ADAMTS12: variants seen among roughly 807,000 people sequenced by gnomAD.
ADAMTS12 encodes ADAM metallopeptidase with thrombospondin type 1 motif 12, also known as A disintegrin and metalloproteinase with thrombospondin motifs 12.
In ADAMTS12, 118 loss-of-function variants were observed where a neutral mutation model predicts 167.8. The ratio of observed to expected loss-of-function variants is 0.70; its 90% CI spans 0.61 to 0.82. The LOEUF (loss-of-function observed/expected upper bound fraction) is 0.82, where lower values mean the gene tolerates loss of function less well. Ranked by LOEUF, ADAMTS12 falls within the 40% of genes least tolerant of loss-of-function variation. The pLI, the probability that ADAMTS12 is intolerant of heterozygous loss-of-function variation, is 0.00. For missense variants in ADAMTS12, 1,916 were observed against 1,998.8 expected, an observed-to-expected ratio of 0.96 and a Z score of 0.79; for synonymous variants, 704 against 716.9, an observed-to-expected ratio of 0.98 and a Z score of 0.29.
At chr5:33,643,496 G>C in intron 9 of ADAMTS12, 26 bp from the exon 10 acceptor site, 2 of 1,607,702 alleles carry the variant, frequency 1.2e-6, no homozygotes, top group Non-Finnish European at 1.7e-6. Flanking sequence ...CACTTCTTTT[G>C]TATTTTCAAA....
chr5:33,696,284 G>GGC (rs1742762948), intron 3 of ADAMTS12, among the ~76,000 whole-genome samples: 1 of 150,580 alleles, frequency 6.6e-6, no homozygotes, highest in Non-Finnish European at 1.5e-5. Context: ...AGCCGGGCAC[G>GGC]GTGGCGGGCG....
intron 2 of ADAMTS12, among the ~76,000 whole-genome samples, chr5:33,805,841 T>C (rs1247268143): frequency 3.3e-5 from 5 of 151,902 alleles, no homozygotes; most frequent in Non-Finnish European, 4.4e-5. Flanking sequence ...TGAGCTGTGA[T>C]TGTGCCATTG....
At chr5:33,626,950 ATGG>A (rs1196379771) in intron 13 of ADAMTS12, among the ~76,000 whole-genome samples, 1 of 139,788 alleles carries the variant, frequency 7.2e-6, no homozygotes, top group Non-Finnish European at 1.5e-5. Flanking sequence ...TGATTTGCTG[ATGG>A]TGGTGGTGGT....
Position 33,629,436 on chromosome 5 carries a change from G to A in ADAMTS12, c.2022+1344C>T, listed in dbSNP as rs570309398. ...TTTCTAAGAGTTCATTTTACACCAG[G>A]GCCTCTGTTAAGAGCTTAACATATA... On this transcript the variant is annotated intron_variant, in intron 13 of 23. Transcript: ENST00000504830. 2.9e-4 allele frequency among the ~76,000 whole-genome samples: 44 copies of A among 152,142 alleles called. 1 individual carries two copies. In the East Asian group the frequency reaches 3.3e-3, roughly 11 times the overall value.
At chr5:33,800,246 G>A (rs190592392) in intron 2 of ADAMTS12, among the ~76,000 whole-genome samples, 24 of 152,296 alleles carry the variant, frequency 1.6e-4, no homozygotes, top group Non-Finnish European at 2.9e-4. Flanking sequence ...TACCAGTGTC[G>A]CAGGATTGCA....
chr5:33,578,366 G>A (rs771396215), intron 18 of ADAMTS12, among the ~76,000 whole-genome samples: 15 of 152,264 alleles, frequency 9.9e-5, no homozygotes, highest in African/African-American at 2.6e-4. Flanking sequence ...CTTGAAAGGC[G>A]GCAAGTCAGT....
intron 3 of ADAMTS12, among the ~76,000 whole-genome samples, chr5:33,746,060 G>A (rs1295859568): frequency 6.6e-6 from 1 of 152,056 alleles, no homozygotes; most frequent in African/African-American, 2.4e-5. Context: ...AACAAATATA[G>A]AGCAATAATT....
intron 3 of ADAMTS12, among the ~76,000 whole-genome samples, chr5:33,684,558 C>A (rs1197949866): frequency 6.6e-6 from 1 of 152,138 alleles, no homozygotes; most frequent in African/African-American, 2.4e-5. Context: ...CTTTCTATGC[C>A]CCAAAATCAT....
chr5:33,561,154 GC>G lies in ADAMTS12; in HGVS notation c.3997del (p.Ala1333ProfsTer68), dbSNP rs1561126704. The G allele has an allele frequency of 6.2e-7, 1 of 1,614,014 alleles. No individual in the cohort carries two copies. The highest frequency in any genetic ancestry group is 8.5e-7 in the Non-Finnish European group (1 of 1,179,982). On this transcript the variant is annotated frameshift_variant, in exon 20 of 24. Coordinates refer to ENST00000504830, the MANE Select transcript of ADAMTS12 (RefSeq NM_030955.4). LOFTEE classifies it high-confidence loss of function. Reference protein sequence around the residue: ...SECSTTCGLGAYWRRVECSTQ... With the variant: ...SECSTTCGLGXYWRRVECSTQ... ...GCTGCACTCCACCCTTCTCCAGTAG[GC>G]CCCCAGGCCACATGTGGTGGAGCAC... is the stretch of plus-strand genomic sequence containing the variant.
At chr5:33,713,832 T>C (rs568105446) in intron 3 of ADAMTS12, among the ~76,000 whole-genome samples, 2 of 152,280 alleles carry the variant, frequency 1.3e-5, no homozygotes, top group Admixed American at 6.6e-5. Context: ...AAGAATCTAC[T>C]GTCAATAGAA....
rs1036903749 is a variant in ADAMTS12, at chr5:33,628,458, C to T, written c.2022+2322G>A. 2.0e-5 allele frequency among the ~76,000 whole-genome samples: 3 copies of T among 152,092 alleles called. No homozygotes were observed. In the South Asian group the frequency reaches 6.2e-4, roughly 32 times the overall value. On this transcript the variant is annotated intron_variant, in intron 13 of 23. Transcript: ENST00000504830. ...GGGAAGGGCACAGATAGTTACCTCC[C>T]AGAACAAATTCAGTTCTGATCAGGG...
intron 22 of ADAMTS12, among the ~76,000 whole-genome samples, chr5:33,543,241 G>A (rs1293807160): frequency 1.3e-5 from 2 of 152,144 alleles, no homozygotes. Context: ...ACACCTCTAT[G>A]AAAATAAACT....
chr5:33,672,769 T>G lies in ADAMTS12; in HGVS notation c.915+10249A>C, dbSNP rs569301928. ...TCCTTGTGGAGAAAGCAGAGTCATC[T>G]TCCAGATGTTGCATTCCAAATGCTG... is the stretch of plus-strand genomic sequence containing the variant. On this transcript the variant is annotated intron_variant, in intron 5 of 23. Coordinates refer to ENST00000504830, the MANE Select transcript of ADAMTS12 (RefSeq NM_030955.4). Among the ~76,000 whole-genome samples, 3 of 152,330 alleles carry G rather than the reference T, an allele frequency of 2.0e-5. No homozygotes were observed. In the South Asian group the frequency reaches 6.2e-4, roughly 32 times the overall value.
At chr5:33,572,226 G>C (rs1450222200) in intron 19 of ADAMTS12, among the ~76,000 whole-genome samples, 3 of 152,060 alleles carry the variant, frequency 2.0e-5, no homozygotes, top group Non-Finnish European at 4.4e-5. Flanking sequence ...GCAAAAGAGG[G>C]AATCCTCCCT....
At chr5:33,628,380 G>A (rs1739758935) in intron 13 of ADAMTS12, among the ~76,000 whole-genome samples, 1 of 152,054 alleles carries the variant, frequency 6.6e-6, no homozygotes. Context: ...GTCCTGAAAA[G>A]TCAAAGTTTA....
intron 19 of ADAMTS12, among the ~76,000 whole-genome samples, chr5:33,565,841 C>A (rs1392232447): frequency 2.6e-5 from 4 of 152,080 alleles, no homozygotes; most frequent in African/African-American, 9.7e-5. Context: ...ATAGTTGATG[C>A]GTACTTCATT....
chr5:33,730,456 C>A (rs1475086556), intron 3 of ADAMTS12, among the ~76,000 whole-genome samples: 2 of 151,860 alleles, frequency 1.3e-5, no homozygotes, highest in African/African-American at 2.4e-5. Context: ...GTCTTCTCCT[C>A]TTGTATGTGT....
At position 33,891,780 on chromosome 5, in the gene ADAMTS12, T is replaced by C. The variant is rs1409276980; in HGVS notation, c.77A>G (p.Tyr26Cys). The change falls in exon 1 of 24, where the codon TAT becomes TGT. Residue 26 changes from tyrosine (Y) to cysteine (C), a missense_variant. Coordinates refer to ENST00000504830, the MANE Select transcript of ADAMTS12 (RefSeq NM_030955.4). ...AQLLNFGALC[Y>C]GRQPQPGPVR... is the part of the protein sequence containing the mutation. ...CGGGCCTGGCTGAGGCTGTCTCCCA[T>C]AGCAAAGCGCCCCAAAGTTAAGGAG... 9.9e-6 allele frequency: 16 copies of C among 1,614,060 alleles called. No homozygotes were observed. The highest frequency in any genetic ancestry group is 5.0e-5 in the Admixed American group (3 of 60,002).
intron 2 of ADAMTS12, among the ~76,000 whole-genome samples, chr5:33,807,819 A>G (rs1196004903): frequency 1.3e-5 from 2 of 152,224 alleles, no homozygotes; most frequent in Admixed American, 1.3e-4. Flanking sequence ...TGGTTATTCA[A>G]AGTTAATAGG....
Sources: allele counts gnomAD v4.1 joint callset (sites outside exome capture counted in the v4.1 genomes callset), GRCh38; gene constraint gnomAD v4.1.1; transcripts MANE v1.5; gene names NCBI Gene and HGNC (gene_info 2026-07-23, HGNC 2026-07-21).